Variants in FBXL13 observed in about 807,000 individuals in gnomAD.
The protein encoded by FBXL13 is F-box and leucine-rich repeat protein 13.
FBXL13 carries 67 observed loss-of-function variants against 83.6 expected under a neutral mutation model. That is an observed-to-expected ratio of 0.80 (90% CI 0.66 to 0.98). The LOEUF is 0.98. FBXL13 is among the 50% of genes least tolerant of loss of function. The pLI, the probability that FBXL13 is intolerant of heterozygous loss-of-function variation, is 0.00. For synonymous variants in FBXL13, 272 were observed against 299.5 expected (o/e 0.91, Z 0.95); for missense variants, 822 against 866.5 (o/e 0.95, Z 0.64).
intron 11 of FBXL13, among the ~76,000 whole-genome samples, chr7:102,912,683 CCA>C (rs1491461609): frequency 1.6e-5 from 2 of 126,364 alleles, no homozygotes; most frequent in African/African-American, 6.5e-5. Context: ...CCCCCCCCCC[CCA>C]AAAAAAAACC....
At chr7:102,999,290 A>T (rs1242037540) in intron 6 of FBXL13, among the ~76,000 whole-genome samples, 6 of 152,132 alleles carry the variant, frequency 3.9e-5, no homozygotes, top group Non-Finnish European at 8.8e-5. Context: ...ATGGAGAATG[A>T]TCTTTTTACC....
chr7:103,071,743 A>G (rs1348000866), intron 1 of FBXL13, among the ~76,000 whole-genome samples: 1 of 152,098 alleles, frequency 6.6e-6, no homozygotes, highest in East Asian at 1.9e-4. Flanking sequence ...CAGGAAAATG[A>G]TATTGTAGGT....
chr7:102,901,839 A>T (rs924542878), intron 11 of FBXL13, among the ~76,000 whole-genome samples: 1 of 152,178 alleles, frequency 6.6e-6, no homozygotes, highest in Non-Finnish European at 1.5e-5. Flanking sequence ...ATCTGCTGAT[A>T]GACACTTAGG....
At chr7:102,854,423 A>G (rs1805730686) in intron 17 of FBXL13, among the ~76,000 whole-genome samples, 1 of 152,230 alleles carries the variant, frequency 6.6e-6, no homozygotes. Flanking sequence ...CTAATGCTAG[A>G]TGACGAGTTA....
At chr7:102,812,664 T>C (rs1184449582), downstream of FBXL13, among the ~76,000 whole-genome samples, 1 of 152,160 alleles carries the variant, frequency 6.6e-6, no homozygotes, top group African/African-American at 2.4e-5. Context: ...TAGTTTGACA[T>C]ATGGCCATCT....
chr7:103,027,485 T>C, exon 5 of FBXL13: 17 of 1,613,396 alleles, frequency 1.1e-5, no homozygotes, highest in Non-Finnish European at 1.4e-5. Flanking sequence ...TATGTCTTGC[T>C]GTATTCCGCC....
chr7:102,968,182 C>A lies in FBXL13; in HGVS notation c.496-65G>T. ...ACTTTGATGTAACTTGTCCACTTAC[C>A]TTTTGTCTGTGTGTGTGCACACATG... On this transcript the variant is annotated intron_variant, in intron 6 of 19. Transcript: ENST00000313221. The A allele has an allele frequency of 2.7e-6, 3 of 1,111,178 alleles. No individual in the cohort carries two copies. In the South Asian group the frequency reaches 3.8e-5, roughly 14 times the overall value. 68.8% of individuals were successfully genotyped at this position (1,111,178 alleles called of 1,614,324 possible).
intron 17 of FBXL13, among the ~76,000 whole-genome samples, chr7:102,846,390 G>A (rs1279578492): frequency 5.3e-5 from 8 of 152,182 alleles, no homozygotes; most frequent in African/African-American, 1.9e-4. Flanking sequence ...GGCTGAGGCA[G>A]GCAGATCACC....
chr7:102,822,297 C>G, intron 18 of FBXL13, 94 bp from the exon 20 acceptor site: 1 of 1,169,484 alleles, frequency 8.6e-7, no homozygotes, highest in Non-Finnish European at 1.3e-6. Context: ...AATAAACTAC[C>G]ACAGACTGTG....
At chr7:102,828,002 G>C (rs1800039165) in intron 18 of FBXL13, among the ~76,000 whole-genome samples, 1 of 152,180 alleles carries the variant, frequency 6.6e-6, no homozygotes, top group South Asian at 2.1e-4. Flanking sequence ...AGTATAGTTT[G>C]AAGTCAGGTA....
At chr7:103,019,362 G>A (rs912509415) in intron 6 of FBXL13, among the ~76,000 whole-genome samples, 1 of 152,156 alleles carries the variant, frequency 6.6e-6, no homozygotes, top group Non-Finnish European at 1.5e-5. Context: ...ATGCCCACAA[G>A]AGAAAGCAGG....
chr7:102,914,176 G>A (rs532968032), intron 10 of FBXL13, among the ~76,000 whole-genome samples: 7 of 152,154 alleles, frequency 4.6e-5, no homozygotes, highest in Admixed American at 2.0e-4. Flanking sequence ...TGGTTCAAGC[G>A]ATTCTCCTGC....
exon 4 of FBXL13, chr7:103,028,634 G>T (rs144386123): frequency 6.3e-7 from 1 of 1,595,316 alleles, no homozygotes; most frequent in Non-Finnish European, 8.5e-7. Flanking sequence ...CCATATAAGA[G>T]TGCCAGTGAT....
At chr7:102,915,640 C>T (rs1057224259) in intron 10 of FBXL13, among the ~76,000 whole-genome samples, 9 of 151,956 alleles carry the variant, frequency 5.9e-5, no homozygotes, top group African/African-American at 1.5e-4. Flanking sequence ...GTCTCTGGCC[C>T]CTTTCTTGGC....
intron 1 of FBXL13, among the ~76,000 whole-genome samples, chr7:103,072,991 A>G (rs564990332): frequency 1.2e-4 from 19 of 152,224 alleles, no homozygotes; most frequent in Non-Finnish European, 1.0e-4. Flanking sequence ...TGAGAAAATC[A>G]CACAACCGGG....
intron 10 of FBXL13, 59 bp from the exon 12 acceptor site, chr7:102,913,274 T>A: frequency 6.2e-7 from 1 of 1,603,490 alleles, no homozygotes; most frequent in Non-Finnish European, 8.5e-7. Context: ...CTCAAATCTT[T>A]CTTAAGCCAC....
chr7:102,870,648 T>C (rs1808402671), intron 16 of FBXL13, among the ~76,000 whole-genome samples: 1 of 152,102 alleles, frequency 6.6e-6, no homozygotes, highest in African/African-American at 2.4e-5. Context: ...TTTGCAGAGC[T>C]AAGTGAAAGC....
rs558922352 is a variant in FBXL13 at position 102,998,105 on chromosome 7, T to A, written c.495+26958A>T. ...TTTGTCTTTCTGATAAAGGATGATATCTCATTGTGCTTTTGGTACGCATTT... is the reference window on the plus strand; with the variant it reads ...TTTGTCTTTCTGATAAAGGATGATAACTCATTGTGCTTTTGGTACGCATTT... On this transcript the variant is annotated intron_variant, in intron 6 of 19. Coordinates refer to ENST00000313221, the Ensembl canonical transcript of FBXL13. 3.3e-5 allele frequency among the ~76,000 whole-genome samples: 5 copies of A among 152,350 alleles called. No homozygotes were observed. The South Asian group carries it at 1.0e-3, about 32-fold the overall frequency.
chr7:103,027,264 C>G (rs998552400), intron 5 of FBXL13, among the ~76,000 whole-genome samples, 185 bp downstream of exon 6: 6 of 151,952 alleles, frequency 3.9e-5, no homozygotes, highest in African/African-American at 1.5e-4. Flanking sequence ...CCATTGCACT[C>G]CAGCCTGGAC....
Sources: allele counts gnomAD v4.1 joint callset (sites outside exome capture counted in the v4.1 genomes callset), GRCh38; gene constraint gnomAD v4.1.1; transcripts MANE v1.5; gene names NCBI Gene and HGNC (gene_info 2026-07-23, HGNC 2026-07-21).